The following CHID1 variants were observed in gnomAD, a reference collection of about 807,000 sequenced individuals.
The protein encoded by CHID1 is chitinase domain containing 1, also known as chitinase domain-containing protein 1.
In CHID1, 44 loss-of-function variants were observed where a neutral mutation model predicts 55.4. That is an observed-to-expected ratio of 0.79 (90% CI 0.62 to 1.02). CHID1 has a LOEUF of 1.02. CHID1 is among the 50% of genes least tolerant of loss of function. CHID1 has a pLI of 0.00. For missense variants in CHID1, 491 were observed against 515.3 expected (o/e 0.95, Z 0.46); for synonymous variants, 216 against 212.9 (o/e 1.01, Z -0.13).
chr11:877,996 G>A (rs1849634660), intron 10 of CHID1, among the ~76,000 whole-genome samples: 1 of 152,208 alleles, frequency 6.6e-6, no homozygotes, highest in African/African-American at 2.4e-5. Context: ...AGGGGAAGGC[G>A]GCAGCTCGCT....
chr11:870,501 T>TGG lies in CHID1; in HGVS notation c.960-4_960-3dup. On this transcript the variant is annotated splice_region_variant and splice_polypyrimidine_tract_variant and intron_variant, in intron 10 of 12. Coordinates refer to ENST00000323578, the MANE Select transcript of CHID1 (RefSeq NM_023947.4). The stretch of plus-strand genomic sequence containing the variant: ...TGGTCCTTCAGTGTCTGGATGTACC[T>TGG]GGGGAGACCAGGATATGGATTTGGG... The TGG allele has an allele frequency of 6.2e-7, 1 of 1,605,466 alleles. No homozygotes were observed. The highest frequency in any genetic ancestry group is 8.5e-7 in the Non-Finnish European group (1 of 1,175,350).
chr11:909,508 T>C (rs1040131074), intron 1 of CHID1, among the ~76,000 whole-genome samples: 5 of 152,192 alleles, frequency 3.3e-5, no homozygotes, highest in Admixed American at 3.3e-4. Context: ...ATGGAAATGA[T>C]GGGAGTCACA....
chr11:901,499 G>A (rs1851807324), intron 4 of CHID1, among the ~76,000 whole-genome samples: 1 of 152,218 alleles, frequency 6.6e-6, no homozygotes, highest in South Asian at 2.1e-4. Flanking sequence ...GTAAACTCGG[G>A]CAGACGTCAT....
chr11:911,493 C>T (rs999179265), upstream of CHID1: 1 of 152,036 alleles, frequency 6.6e-6, no homozygotes, highest in African/African-American at 2.4e-5. Context: ...CCCCCACCCC[C>T]AGCCCTAGCC....
chr11:891,097 G>A (rs1358304008), intron 8 of CHID1, among the ~76,000 whole-genome samples: 1 of 145,996 alleles, frequency 6.8e-6, no homozygotes, highest in Non-Finnish European at 1.5e-5. Flanking sequence ...GTGGGATGGG[G>A]GAAGGATAAA....
intron 10 of CHID1, among the ~76,000 whole-genome samples, chr11:880,368 G>A (rs971398002): frequency 2.6e-5 from 4 of 152,210 alleles, no homozygotes; most frequent in Admixed American, 6.5e-5. Flanking sequence ...GACCCAGAGC[G>A]CACCCAGGGC....
chr11:910,950 CGGGGCCGGGGCCGGGGCG>C (rs1245251723), upstream of CHID1: 6 of 417,882 alleles, frequency 1.4e-5, no homozygotes, highest in Non-Finnish European at 1.9e-5. Context: ...GGGCCGGGGC[CGGGGCCGGGGCCGGGGCG>C]GGGCCGCGCC....
In CHID1 at chr11:869,804, C is replaced by T; in HGVS notation, c.*54G>A. ...GAGGCCTGTATTTCACACCTGCTCA[C>T]TCACTCCATGGCTTAGAAAAGAACA... On this transcript the variant is annotated 3_prime_UTR_variant, in exon 13 of 13. Coordinates refer to ENST00000323578, the MANE Select transcript of CHID1 (RefSeq NM_023947.4). The T allele has an allele frequency of 2.7e-6, 4 of 1,499,694 alleles. No individual in the cohort carries two copies. Among genetic ancestry groups the T allele is most frequent in the Middle Eastern group, 1.7e-4 (1 of 5,836 alleles). The allele number at this position is 1,499,694 out of a possible 1,614,324, so 92.9% of individuals were successfully genotyped here.
At chr11:882,955 G>A in intron 10 of CHID1, 193 bp downstream of exon 10, 1 of 588,646 alleles carries the variant, frequency 1.7e-6, no homozygotes, top group Non-Finnish European at 3.0e-6. Context: ...CGTGTTATGG[G>A]TGGTGACCAC....
chr11:902,005 CTCT>C (rs533203008), intron 4 of CHID1, 190 bp downstream of exon 4: 154 of 633,504 alleles, frequency 2.4e-4, no homozygotes, highest in African/African-American at 2.3e-3. Flanking sequence ...CACTCACAAT[CTCT>C]TCTCTCCCAC....
rs779913242 is a variant in CHID1, at chr11:900,022, G to A, written c.528C>T (p.Thr176=). ...SEDEIEELSK[T]VVQVAKNQHF... ...GTCTCACCTTTGCCACCTGGACCAC[G>A]GTCTTGCTCAGCTCCTCTATCTCAT... The change falls in exon 6 of 13, where the codon ACC becomes ACT. Residue 176 remains threonine, a synonymous_variant. Transcript: ENST00000323578. 3 of 1,613,804 alleles carry A rather than the reference G, an allele frequency of 1.9e-6. No individual in the cohort carries two copies. The highest frequency in any genetic ancestry group is 1.7e-6 in the Non-Finnish European group (2 of 1,179,726).
At chr11:910,879 A>G, upstream of CHID1, 1 of 1,055,522 alleles carries the variant, frequency 9.5e-7, no homozygotes, top group Non-Finnish European at 1.2e-6. Flanking sequence ...CGCGCACGGC[A>G]CGCTGGGATG....
Position 870,142 on chromosome 11 carries a change from GA to G in CHID1, c.1061del (p.Val354AlafsTer7). On this transcript the variant is annotated frameshift_variant, in exon 12 of 13. Coordinates refer to ENST00000323578, the MANE Select transcript of CHID1 (RefSeq NM_023947.4). LOFTEE classifies it high-confidence loss of function. The stretch of plus-strand genomic sequence containing the variant: ...GCACCTTCAGGGTTGGGTAGAAGAC[GA>G]CGTGCCTCCCACTGCGGCTCCTGCA... The part of the protein sequence containing the change: ...EYKKSRSGRH[V>X]VFYPTLKSLQ... 6.2e-7 allele frequency: 1 copy of G among 1,613,048 alleles called. No homozygotes were observed. Among genetic ancestry groups the G allele is most frequent in the Non-Finnish European group, 8.5e-7 (1 of 1,179,970 alleles).
chr11:908,721 G>T, intron 1 of CHID1: 1 of 521,978 alleles, frequency 1.9e-6, no homozygotes, highest in Non-Finnish European at 2.5e-6. Context: ...AGTAACTGGA[G>T]GGCACACTCA....
chr11:881,173 G>A (rs2134159606), intron 10 of CHID1, among the ~76,000 whole-genome samples: 1 of 152,304 alleles, frequency 6.6e-6, no homozygotes, highest in South Asian at 2.1e-4. Flanking sequence ...GCTGGGCTTG[G>A]TGGCTCACGC....
chr11:892,149 G>C (rs964338396), intron 8 of CHID1, among the ~76,000 whole-genome samples: 1 of 152,084 alleles, frequency 6.6e-6, no homozygotes, highest in Admixed American at 6.5e-5. Context: ...AAGACGCAGC[G>C]TGGGGGCCCC....
At chr11:870,528 GCCCACCCAGCTCC>G in intron 10 of CHID1, 29 bp from the exon 11 acceptor site, 1 of 1,518,304 alleles carries the variant, frequency 6.6e-7, no homozygotes, top group Non-Finnish European at 9.1e-7. Context: ...GGATTTGGGA[GCCCACCCAGCTCC>G]CCCACAGCCC....
intron 10 of CHID1, among the ~76,000 whole-genome samples, chr11:876,684 T>C (rs1350352007): frequency 6.6e-6 from 1 of 152,210 alleles, no homozygotes; most frequent in African/African-American, 2.4e-5. Context: ...GCCATGGCTG[T>C]GCAGCGTCAG....
At chr11:892,629 G>C (rs1013844829) in intron 8 of CHID1, among the ~76,000 whole-genome samples, 2 of 152,222 alleles carry the variant, frequency 1.3e-5, no homozygotes, top group Non-Finnish European at 2.9e-5. Flanking sequence ...GGAGGAACCT[G>C]GCCACGACAG....
Sources: allele counts gnomAD v4.1 joint callset (sites outside exome capture counted in the v4.1 genomes callset), GRCh38; gene constraint gnomAD v4.1.1; transcripts MANE v1.5; gene names NCBI Gene and HGNC (gene_info 2026-07-23, HGNC 2026-07-21).